MACROD2: variants seen among roughly 807,000 people sequenced by gnomAD.
The protein encoded by MACROD2 is ADP-ribose glycohydrolase MACROD2.
A neutral mutation model predicts 70.4 loss-of-function variants in MACROD2; 36 were observed. That is an observed-to-expected ratio of 0.51 (90% CI 0.39 to 0.68). The LOEUF (loss-of-function observed/expected upper bound fraction) is 0.68, where lower values mean the gene tolerates loss of function less well. MACROD2 is among the 30% of genes least tolerant of loss of function. The pLI is 0.00. For synonymous variants in MACROD2, 172 were observed against 178.8 expected, an observed-to-expected ratio of 0.96 and a Z score of 0.30; for missense variants, 496 against 538.4, an observed-to-expected ratio of 0.92 and a Z score of 0.78.
chr20:15,182,265 G>A (rs569607793), intron 5 of MACROD2, among the ~76,000 whole-genome samples: 30 of 152,202 alleles, frequency 2.0e-4, no homozygotes, highest in African/African-American at 7.0e-4. Flanking sequence ...GAGAGGGAGG[G>A]GAATAAAAAA....
intron 6 of MACROD2, among the ~76,000 whole-genome samples, chr20:15,283,746 T>C (rs2077467408): frequency 1.3e-5 from 2 of 152,068 alleles, no homozygotes; most frequent in Non-Finnish European, 2.9e-5. Context: ...AAAATAATTA[T>C]AAAAATTACT....
At chr20:14,219,715 G>C (rs1417581595) in intron 3 of MACROD2, among the ~76,000 whole-genome samples, 1 of 152,170 alleles carries the variant, frequency 6.6e-6, no homozygotes, top group Non-Finnish European at 1.5e-5. Context: ...TTTCCCACAG[G>C]GTGTTCCCTT....
At chr20:15,179,726 T>G (rs1003887146) in intron 5 of MACROD2, among the ~76,000 whole-genome samples, 1 of 152,202 alleles carries the variant, frequency 6.6e-6, no homozygotes, top group Non-Finnish European at 1.5e-5. Context: ...AATTACAGCA[T>G]GCTGCAAGTG....
intron 8 of MACROD2, among the ~76,000 whole-genome samples, chr20:15,773,369 A>T (rs1446995810): frequency 6.6e-6 from 1 of 152,022 alleles, no homozygotes; most frequent in Non-Finnish European, 1.5e-5. Context: ...GGGGACAGAG[A>T]TTCTAAACTT....
At position 16,036,954 on chromosome 20, in the gene MACROD2, T is replaced by G. The variant is rs1375767310; in HGVS notation, c.1154-4247T>G. On this transcript the variant is annotated intron_variant, in intron 15 of 17. Coordinates refer to ENST00000684519, the MANE Select transcript of MACROD2 (RefSeq NM_001351661.2). ...ATCTCTACCAAACATGATATTGGAG[T>G]CTTGGAAAGCAGATCTAACAGACTA... is the stretch of plus-strand genomic sequence containing the variant. Among the ~76,000 whole-genome samples the G allele has an allele frequency of 2.6e-5, 4 of 151,946 alleles. No homozygotes were observed. The East Asian group carries it at 7.7e-4, about 29-fold the overall frequency.
At chr20:15,215,958 A>C (rs1414209450) in intron 5 of MACROD2, among the ~76,000 whole-genome samples, 1 of 152,170 alleles carries the variant, frequency 6.6e-6, no homozygotes, top group African/African-American at 2.4e-5. Flanking sequence ...ATTTACTCCT[A>C]GACATATAAA....
At chr20:14,350,299 C>T (rs1447002375) in intron 3 of MACROD2, among the ~76,000 whole-genome samples, 2 of 152,014 alleles carry the variant, frequency 1.3e-5, no homozygotes, top group Admixed American at 6.6e-5. Flanking sequence ...TTTGAGGAAC[C>T]TCAAAACTGT....
In MACROD2 at chr20:14,869,563, A is replaced by T. The variant is rs115937063; in HGVS notation, c.418+184604A>T. Reference sequence around the variant, plus strand: ...GCACAGGAGCAATGGGTTGCTGTCAACCTCTCTCCCTCTTTCTTTATCTTG... The same window carrying T: ...GCACAGGAGCAATGGGTTGCTGTCATCCTCTCTCCCTCTTTCTTTATCTTG... On this transcript the variant is annotated intron_variant, in intron 5 of 17. Coordinates refer to ENST00000684519, the MANE Select transcript of MACROD2 (RefSeq NM_001351661.2). Among the ~76,000 whole-genome samples the T allele has an allele frequency of 6.9e-3, 1,054 of 152,192 alleles. 9 individuals carry two copies. Among genetic ancestry groups the T allele is most frequent in the African/African-American group, 0.024 (997 of 41,544 alleles).
At chr20:14,986,208 T>A (rs1326530537) in intron 5 of MACROD2, among the ~76,000 whole-genome samples, 1 of 152,162 alleles carries the variant, frequency 6.6e-6, no homozygotes, top group Non-Finnish European at 1.5e-5. Flanking sequence ...AAGCAAAAAT[T>A]CTTTTTTGGT....
intron 3 of MACROD2, among the ~76,000 whole-genome samples, chr20:14,187,805 C>T (rs1477512296): frequency 1.3e-5 from 2 of 152,090 alleles, no homozygotes; most frequent in African/African-American, 4.8e-5. Flanking sequence ...TGGGATACTT[C>T]ACTTAGGATT....
chr20:15,117,663 A>G (rs2076000981), intron 5 of MACROD2, among the ~76,000 whole-genome samples: 1 of 152,188 alleles, frequency 6.6e-6, no homozygotes, highest in Admixed American at 6.5e-5. Context: ...TGACTGAAGT[A>G]TTAAGGATCT....
At chr20:14,013,217 G>A (rs900382664) in intron 2 of MACROD2, among the ~76,000 whole-genome samples, 3 of 149,758 alleles carry the variant, frequency 2.0e-5, no homozygotes, top group Non-Finnish European at 4.4e-5. Flanking sequence ...AAGAATCAAT[G>A]TATAAGTGGA....
At chr20:15,749,162 A>T (rs531401971) in intron 8 of MACROD2, among the ~76,000 whole-genome samples, 1 of 152,104 alleles carries the variant, frequency 6.6e-6, no homozygotes, top group African/African-American at 2.4e-5. Flanking sequence ...CTTAAGGACA[A>T]TGGAATATCT....
At chr20:15,827,355 C>A (rs1453929293) in intron 8 of MACROD2, among the ~76,000 whole-genome samples, 5 of 152,062 alleles carry the variant, frequency 3.3e-5, no homozygotes, top group East Asian at 3.9e-4. Context: ...TTATTAAATA[C>A]CTCAGATACC....
chr20:14,304,368 G>A (rs147959455), intron 3 of MACROD2, among the ~76,000 whole-genome samples: 65 of 152,152 alleles, frequency 4.3e-4, no homozygotes, highest in African/African-American at 1.2e-3. Flanking sequence ...CCATTCTGTC[G>A]CCAGAAGACA....
intron 4 of MACROD2, among the ~76,000 whole-genome samples, chr20:14,664,268 T>C (rs2070712171): frequency 6.6e-6 from 1 of 152,108 alleles, no homozygotes; most frequent in South Asian, 2.1e-4. Context: ...CTAGTTCCAC[T>C]GTTACAGCCA....
chr20:15,485,363 G>T (rs748662583), intron 7 of MACROD2, among the ~76,000 whole-genome samples: 8 of 152,090 alleles, frequency 5.3e-5, no homozygotes, highest in Non-Finnish European at 1.2e-4. Flanking sequence ...TAACATTTGT[G>T]TTTAAATGGA....
At chr20:15,518,661 G>A (rs2047603119) in intron 8 of MACROD2, among the ~76,000 whole-genome samples, 1 of 152,154 alleles carries the variant, frequency 6.6e-6, no homozygotes, top group Non-Finnish European at 1.5e-5. Context: ...GGAAGAAAGA[G>A]GGAGGAAGAA....
intron 2 of MACROD2, among the ~76,000 whole-genome samples, chr20:14,015,684 A>AAAT (rs2052979026): frequency 6.6e-6 from 1 of 152,212 alleles, no homozygotes; most frequent in African/African-American, 2.4e-5. Context: ...CTGTCTCTAT[A>AAAT]AATTTGCCAG....
Sources: allele counts gnomAD v4.1 joint callset (sites outside exome capture counted in the v4.1 genomes callset), GRCh38; gene constraint gnomAD v4.1.1; transcripts MANE v1.5; gene names NCBI Gene and HGNC (gene_info 2026-07-23, HGNC 2026-07-21).